Variants in BRINP3 observed in about 807,000 individuals in gnomAD.
BRINP3 encodes BMP/retinoic acid-inducible neural-specific protein 3.
Under a neutral mutation model 71.0 loss-of-function variants are expected in BRINP3, and 19 were observed. The ratio of observed to expected loss-of-function variants is 0.27; its 90% CI spans 0.19 to 0.39. The LOEUF (loss-of-function observed/expected upper bound fraction) is 0.39, where lower values mean the gene tolerates loss of function less well. Ranked by LOEUF, BRINP3 falls within the 10% of genes least tolerant of loss-of-function variation. The pLI is 1.00. For missense variants in BRINP3, 959 were observed against 940.8 expected, an observed-to-expected ratio of 1.02 and a Z score of -0.25; for synonymous variants, 380 against 337.7, an observed-to-expected ratio of 1.13 and a Z score of -1.37.
chr1:190,336,791 TC>T (rs1667308499), intron 2 of BRINP3, among the ~76,000 whole-genome samples: 2 of 64,502 alleles, frequency 3.1e-5, no homozygotes, highest in Non-Finnish European at 3.0e-5. Flanking sequence ...CCTCCCTCCC[TC>T]CCTTCCCTCC....
intron 6 of BRINP3, among the ~76,000 whole-genome samples, chr1:190,175,361 TA>T (rs1367148950): frequency 1.3e-5 from 2 of 152,110 alleles, no homozygotes; most frequent in African/African-American, 2.4e-5. Flanking sequence ...TATATTACTT[TA>T]AAAAAGTCAT....
intron 3 of BRINP3, among the ~76,000 whole-genome samples, chr1:190,266,673 A>C (rs1343718350): frequency 6.6e-6 from 1 of 152,162 alleles, no homozygotes; most frequent in East Asian, 1.9e-4. Context: ...AGGAAATTTC[A>C]GGAAGTGCAT....
At chr1:190,345,305 A>G (rs1055061048) in intron 2 of BRINP3, among the ~76,000 whole-genome samples, 1 of 151,724 alleles carries the variant, frequency 6.6e-6, no homozygotes, top group Admixed American at 6.6e-5. Flanking sequence ...GATTACTTAA[A>G]ATTAAAAAAA....
At chr1:190,452,232 C>A (rs1465912378) in intron 2 of BRINP3, among the ~76,000 whole-genome samples, 9 of 152,052 alleles carry the variant, frequency 5.9e-5, no homozygotes, top group Admixed American at 3.9e-4. Context: ...ACTAAAGGTA[C>A]CCTAATGAAT....
chr1:190,206,209 A>C (rs1275840190), intron 6 of BRINP3, among the ~76,000 whole-genome samples: 2 of 152,034 alleles, frequency 1.3e-5, no homozygotes, highest in African/African-American at 4.8e-5. Flanking sequence ...TAGGTATATG[A>C]AGGAAGAGGA....
chr1:190,363,016 G>GT (rs1247227100), intron 2 of BRINP3, among the ~76,000 whole-genome samples: 1 of 152,052 alleles, frequency 6.6e-6, no homozygotes, highest in African/African-American at 2.4e-5. Flanking sequence ...TTAATCACTT[G>GT]ACTTTGAGTT....
chr1:190,391,505 CTTAAA>C (rs1225143297), intron 2 of BRINP3, among the ~76,000 whole-genome samples: 5 of 151,664 alleles, frequency 3.3e-5, no homozygotes, highest in African/African-American at 1.2e-4. Context: ...GATGTCCAGT[CTTAAA>C]TTAACTATTA....
intron 4 of BRINP3, among the ~76,000 whole-genome samples, chr1:190,239,265 T>C (rs1220295974): frequency 6.6e-6 from 1 of 152,100 alleles, no homozygotes; most frequent in Non-Finnish European, 1.5e-5. Flanking sequence ...TGGAAGTACA[T>C]AGAAGATATG....
intron 6 of BRINP3, among the ~76,000 whole-genome samples, chr1:190,213,605 C>T (rs550837878): frequency 3.3e-5 from 5 of 152,044 alleles, no homozygotes; most frequent in South Asian, 2.1e-4. Context: ...AAGGATGGTA[C>T]GTGGTTGGCT....
chr1:190,304,710 G>A (rs1664974503), intron 2 of BRINP3, among the ~76,000 whole-genome samples: 1 of 151,820 alleles, frequency 6.6e-6, no homozygotes, highest in Non-Finnish European at 1.5e-5. Context: ...AGGTTAGGAT[G>A]TTTTGGATAA....
chr1:190,401,258 T>A (rs1671900504), intron 2 of BRINP3, among the ~76,000 whole-genome samples: 1 of 150,752 alleles, frequency 6.6e-6, no homozygotes, highest in Non-Finnish European at 1.5e-5. Flanking sequence ...CTTGGGAGGA[T>A]GAGGCAGGAG....
rs535806508 is a variant in BRINP3 at position 190,317,071 on chromosome 1, C to T, written c.237-35321G>A. Among the ~76,000 whole-genome samples the T allele has an allele frequency of 1.4e-3, 201 of 148,504 alleles. 1 individual carries two copies. Among genetic ancestry groups the T allele is most frequent in the African/African-American group, 4.7e-3 (191 of 40,300 alleles). ...CCTATAATCCCAGCTACTCGGGAGG[C>T]TGAGATGGGAGAATCACTTGAACCC... On this transcript the variant is annotated intron_variant, in intron 2 of 7. Coordinates refer to ENST00000367462, the MANE Select transcript of BRINP3 (RefSeq NM_199051.3).
chr1:190,313,469 G>C (rs934792792), intron 2 of BRINP3, among the ~76,000 whole-genome samples: 1 of 151,970 alleles, frequency 6.6e-6, no homozygotes, highest in African/African-American at 2.4e-5. Flanking sequence ...GTATTTAGTA[G>C]GGAAGCCTCC....
intron 7 of BRINP3, among the ~76,000 whole-genome samples, chr1:190,134,717 T>C (rs1469086468): frequency 6.6e-6 from 1 of 152,164 alleles, no homozygotes; most frequent in Non-Finnish European, 1.5e-5. Flanking sequence ...TTGCATGATC[T>C]GATTTATAAA....
chr1:190,349,679 C>G (rs762315766), intron 2 of BRINP3, among the ~76,000 whole-genome samples: 2 of 152,098 alleles, frequency 1.3e-5, no homozygotes, highest in Non-Finnish European at 2.9e-5. Context: ...GCATTCTTCA[C>G]ATAACCTACA....
chr1:190,160,652 A>C lies in BRINP3; in HGVS notation c.1184+16T>G. 6.2e-7 allele frequency: 1 copy of C among 1,600,182 alleles called. No homozygotes were observed. The highest frequency in any genetic ancestry group is 8.5e-7 in the Non-Finnish European group (1 of 1,173,214). ...GGCAATAAACTTAATTGCTTACATT[A>C]CCACAAATGTCTTACCTTTGTCTTG... On this transcript the variant is annotated intron_variant, in intron 7 of 7. Transcript: ENST00000367462.
At chr1:190,344,334 C>A (rs967647205) in intron 2 of BRINP3, among the ~76,000 whole-genome samples, 1 of 151,784 alleles carries the variant, frequency 6.6e-6, no homozygotes, top group Non-Finnish European at 1.5e-5. Flanking sequence ...TGAGTAAATT[C>A]TCTAAGGTCA....
chr1:190,466,692 A>G (rs1171513290), intron 1 of BRINP3, among the ~76,000 whole-genome samples: 1 of 151,646 alleles, frequency 6.6e-6, no homozygotes, highest in African/African-American at 2.4e-5. Context: ...TTCAATTCAC[A>G]TGGTAACAAT....
At chr1:190,306,009 TTC>T (rs1360517579) in intron 2 of BRINP3, among the ~76,000 whole-genome samples, 2 of 151,872 alleles carry the variant, frequency 1.3e-5, no homozygotes, top group Non-Finnish European at 2.9e-5. Context: ...ATTGTTTCTT[TTC>T]TGTTTTGTTG....
Sources: allele counts gnomAD v4.1 joint callset (sites outside exome capture counted in the v4.1 genomes callset), GRCh38; gene constraint gnomAD v4.1.1; transcripts MANE v1.5; gene names NCBI Gene and HGNC (gene_info 2026-07-23, HGNC 2026-07-21).